Variants in MCC observed in about 807,000 individuals in gnomAD.
MCC encodes MCC regulator of Wnt signaling pathway.
MCC carries 90 observed loss-of-function variants against 116.2 expected under a neutral mutation model. The ratio of observed to expected loss-of-function variants is 0.77; its 90% confidence interval spans 0.65 to 0.92. The LOEUF (loss-of-function observed/expected upper bound fraction) is 0.92, where lower values mean the gene tolerates loss of function less well. MCC is among the 40% of genes least tolerant of loss of function. MCC has a pLI of 0.00. For synonymous variants in MCC, 578 were observed against 510.5 expected (o/e 1.13, Z -1.78); for missense variants, 1,516 against 1,312.2 (o/e 1.16, Z -2.40).
chr5:113,340,952 C>A (rs1581412372), intron 2 of MCC, among the ~76,000 whole-genome samples: 1 of 152,140 alleles, frequency 6.6e-6, no homozygotes, highest in East Asian at 1.9e-4. Flanking sequence ...AACAACTGTC[C>A]CATGAATATG....
intron 8 of MCC, among the ~76,000 whole-genome samples, chr5:113,099,670 A>G (rs558198364): frequency 1.2e-4 from 18 of 152,338 alleles, no homozygotes; most frequent in African/African-American, 4.1e-4. Context: ...TGCATGACCC[A>G]GGCAATCTGG....
intron 3 of MCC, among the ~76,000 whole-genome samples, chr5:113,156,299 G>A (rs1236125791): frequency 6.6e-6 from 1 of 152,224 alleles, no homozygotes; most frequent in Non-Finnish European, 1.5e-5. Context: ...ACTTGTTGGT[G>A]GACTGTCTTT....
chr5:113,237,194 G>A (rs567830042), intron 3 of MCC, among the ~76,000 whole-genome samples: 1 of 152,194 alleles, frequency 6.6e-6, no homozygotes, highest in African/African-American at 2.4e-5. Context: ...ACAGAATATG[G>A]TTTATATGTA....
chr5:113,185,641 C>A (rs1404002037), intron 3 of MCC, among the ~76,000 whole-genome samples: 2 of 152,132 alleles, frequency 1.3e-5, no homozygotes, highest in African/African-American at 2.4e-5. Flanking sequence ...ACTCAGCAGT[C>A]TAGGAGCATT....
Position 113,024,744 on chromosome 5 carries a change from T to TAATC in MCC, c.*2554_*2557dup, listed in dbSNP as rs1441113488. 9.1e-5 allele frequency: 3 copies of TAATC among 33,078 alleles called. No homozygotes were observed. The highest frequency in any genetic ancestry group is 5.2e-4 in the African/African-American group (2 of 3,866). 2.0% of individuals were successfully genotyped at this position (33,078 alleles called of 1,614,324 possible). ...CCCAGGAACCTGCAAGCATTTAATT[T>TAATC]AATCAGTATAGTTTAGTTCAGTAGC... On this transcript the variant is annotated 3_prime_UTR_variant, in exon 19 of 19. Coordinates refer to ENST00000408903, the MANE Select transcript of MCC (RefSeq NM_001085377.2).
chr5:113,425,725 G>A (rs755699130), intron 1 of MCC, among the ~76,000 whole-genome samples: 11 of 152,040 alleles, frequency 7.2e-5, no homozygotes, highest in Non-Finnish European at 1.5e-4. Context: ...AGCTAAAAGC[G>A]TCATCAGTGT....
intron 1 of MCC, among the ~76,000 whole-genome samples, chr5:113,444,607 C>T (rs1771153281): frequency 6.6e-6 from 1 of 151,668 alleles, no homozygotes; most frequent in Non-Finnish European, 1.5e-5. Flanking sequence ...TGGTATTTGG[C>T]CTTCAGATCA....
At chr5:113,195,549 G>A (rs985108757) in intron 3 of MCC, among the ~76,000 whole-genome samples, 1 of 151,922 alleles carries the variant, frequency 6.6e-6, no homozygotes, top group East Asian at 1.9e-4. Context: ...GTGGGCTCTG[G>A]GCCTCCTGAG....
chr5:113,335,005 G>A (rs1171409238), intron 3 of MCC, among the ~76,000 whole-genome samples: 5 of 151,676 alleles, frequency 3.3e-5, no homozygotes, highest in Non-Finnish European at 7.4e-5. Context: ...TCTAAAGGGT[G>A]ACAAGCATGC....
chr5:113,340,589 T>C lies in MCC; in HGVS notation c.557A>G (p.His186Arg). ...GSSLHQQAAL[H>R]KLLTQSPHIG... Reference sequence around the variant, plus strand: ...GTGCGGGGACTGTGTGAGCAGTTTGTGGAGAGCAGCCTGCTGATGCAAAGA... The same window carrying C: ...GTGCGGGGACTGTGTGAGCAGTTTGCGGAGAGCAGCCTGCTGATGCAAAGA... The change falls in exon 3 of 19, where the codon CAC becomes CGC. Residue 186 changes from histidine (H) to arginine (R), a missense_variant. Physicochemically the swap from His to Arg is conservative, Grantham distance 29 (BLOSUM62 0). Coordinates refer to ENST00000408903, the MANE Select transcript of MCC (RefSeq NM_001085377.2). 1 of 1,614,164 alleles carries C rather than the reference T, an allele frequency of 6.2e-7. No homozygotes were observed. Among genetic ancestry groups the C allele is most frequent in the Non-Finnish European group, 8.5e-7 (1 of 1,180,018 alleles).
At chr5:113,244,055 C>T (rs1039452934) in intron 3 of MCC, among the ~76,000 whole-genome samples, 1 of 152,202 alleles carries the variant, frequency 6.6e-6, no homozygotes, top group Non-Finnish European at 1.5e-5. Flanking sequence ...AAAGTCAACA[C>T]ACACAAATCT....
intron 6 of MCC, among the ~76,000 whole-genome samples, chr5:113,115,618 C>T (rs1456841870): frequency 7.2e-5 from 11 of 152,072 alleles, no homozygotes; most frequent in East Asian, 3.9e-4. Flanking sequence ...TGCTCTGTTA[C>T]GCACCCCCAC....
chr5:113,169,364 T>C (rs1204251776), intron 3 of MCC, among the ~76,000 whole-genome samples: 1 of 152,198 alleles, frequency 6.6e-6, no homozygotes, highest in Non-Finnish European at 1.5e-5. Context: ...GACTTTCCTC[T>C]GCAGGACCAT....
rs139036863 is a variant in MCC, at chr5:113,159,485, A to G, written c.628-8063T>C. Among the ~76,000 whole-genome samples, 99 of 152,324 alleles carry G rather than the reference A, an allele frequency of 6.5e-4. 1 individual carries two copies. The highest frequency in any genetic ancestry group is 2.4e-3 in the African/African-American group (98 of 41,572). On this transcript the variant is annotated intron_variant, in intron 3 of 18. Coordinates refer to ENST00000408903, the MANE Select transcript of MCC (RefSeq NM_001085377.2). ...GTAGAGAAATGAAACTGAGACTCAGAGAGGTTCAAGGTTCATCAAATTCAG... is the reference window on the plus strand; with the variant it reads ...GTAGAGAAATGAAACTGAGACTCAGGGAGGTTCAAGGTTCATCAAATTCAG...
chr5:113,417,011 C>T (rs1272989907), intron 1 of MCC, among the ~76,000 whole-genome samples: 1 of 137,328 alleles, frequency 7.3e-6, no homozygotes, highest in Admixed American at 7.8e-5. Flanking sequence ...TGCTCTGTTG[C>T]CAGGCTGGAG....
At chr5:113,099,957 G>A (rs561883272) in intron 8 of MCC, among the ~76,000 whole-genome samples, 4 of 152,260 alleles carry the variant, frequency 2.6e-5, no homozygotes, top group South Asian at 2.1e-4. Context: ...GATAATCATC[G>A]GGGAGTGTAA....
chr5:113,043,719 G>T, intron 16 of MCC, 89 bp from the exon 17 acceptor site: 7 of 850,926 alleles, frequency 8.2e-6, no homozygotes, highest in Non-Finnish European at 1.2e-5. Context: ...GGTGGCTCGT[G>T]CAGTGATGGC....
rs529797908 is a variant in MCC at position 113,257,807 on chromosome 5, TGGA to T, written c.627+82709_627+82711del. On this transcript the variant is annotated intron_variant, in intron 3 of 18. Coordinates refer to ENST00000408903, the MANE Select transcript of MCC (RefSeq NM_001085377.2). Reference sequence around the variant, plus strand: ...TTAAAGAGGGAAAGCCTGGAGACTATGGAGGAGAAGTGATAATCAATACCACAT... The same window carrying T: ...TTAAAGAGGGAAAGCCTGGAGACTATGGAGAAGTGATAATCAATACCACAT... Among the ~76,000 whole-genome samples, 33 of 152,208 alleles carry T rather than the reference TGGA, an allele frequency of 2.2e-4. 1 individual carries two copies. Among genetic ancestry groups the T allele is most frequent in the African/African-American group, 7.0e-4 (29 of 41,522 alleles).
At chr5:113,259,979 T>C (rs530481767) in intron 3 of MCC, among the ~76,000 whole-genome samples, 1 of 152,230 alleles carries the variant, frequency 6.6e-6, no homozygotes, top group Admixed American at 6.5e-5. Context: ...AACTACAAAA[T>C]GACTCTAGAA....
Sources: allele counts gnomAD v4.1 joint callset (sites outside exome capture counted in the v4.1 genomes callset), GRCh38; gene constraint gnomAD v4.1.1; transcripts MANE v1.5; gene names NCBI Gene and HGNC (gene_info 2026-07-23, HGNC 2026-07-21).